KMT2C: variants seen among roughly 807,000 people sequenced by gnomAD.
The protein encoded by KMT2C is histone-lysine N-methyltransferase 2C.
KMT2C carries 88 observed loss-of-function variants against 507.9 expected under a neutral mutation model. That is an observed-to-expected ratio of 0.17 (90% CI 0.15 to 0.21). The LOEUF is 0.21. Ranked by LOEUF, KMT2C falls within the 10% of genes least tolerant of loss-of-function variation. The pLI is 1.00. For missense variants in KMT2C, 4,954 were observed against 5,957.8 expected (o/e 0.83, Z 5.55); for synonymous variants, 2,049 against 2,080.8 (o/e 0.98, Z 0.42).
chr7:152,247,751 AATAATGGCTGAAACAC>A (rs2129163567), intron 14 of KMT2C, 135 bp downstream of exon 14: 1 of 646,334 alleles, frequency 1.5e-6, no homozygotes, highest in South Asian at 2.3e-5. Flanking sequence ...GCATTTAAAA[AATAATGGCTGAAACAC>A]ATAATCAACA....
In KMT2C at chr7:152,171,255, C is replaced by A. The variant is rs2092951511; in HGVS notation, c.9453+9G>T. On this transcript the variant is annotated intron_variant, in intron 40 of 58. Transcript: ENST00000262189. ...GCATTCTAGAGGGACTCATTACAGG[C>A]AGTGTTACCTGAGGAATGGCCTGTG... 1 of 1,589,284 alleles carries A rather than the reference C, an allele frequency of 6.3e-7. No homozygotes were observed. Among genetic ancestry groups the A allele is most frequent in the Non-Finnish European group, 8.6e-7 (1 of 1,164,456 alleles).
At chr7:152,420,395 A>T (rs2097770364) in intron 1 of KMT2C, among the ~76,000 whole-genome samples, 1 of 152,220 alleles carries the variant, frequency 6.6e-6, no homozygotes, top group African/African-American at 2.4e-5. Context: ...TACACATTAA[A>T]GGAGTTTAGT....
intron 23 of KMT2C, among the ~76,000 whole-genome samples, chr7:152,207,662 C>CA (rs774542546): frequency 1.3e-5 from 2 of 152,078 alleles, no homozygotes; most frequent in South Asian, 2.1e-4. Context: ...ACACAGAACT[C>CA]AGAGTTCTGT....
chr7:152,410,005 G>C (rs2116659425), intron 1 of KMT2C, among the ~76,000 whole-genome samples: 1 of 152,330 alleles, frequency 6.6e-6, no homozygotes, highest in Middle Eastern at 3.4e-3. Flanking sequence ...AAAGGGGGAG[G>C]GGATATTATT....
intron 31 of KMT2C, among the ~76,000 whole-genome samples, chr7:152,189,936 G>A (rs919476740): frequency 1.1e-4 from 16 of 152,320 alleles, no homozygotes; most frequent in Admixed American, 5.2e-4. Flanking sequence ...TTAGGAACCC[G>A]GCCGCACAGT....
In KMT2C at chr7:152,176,615, G is replaced by C. The variant is rs2129113341; in HGVS notation, c.8838C>G (p.Ser2946=). 1 of 1,614,186 alleles carries C rather than the reference G, an allele frequency of 6.2e-7. No individual in the cohort carries two copies. The highest frequency in any genetic ancestry group is 8.5e-7 in the Non-Finnish European group (1 of 1,180,028). ...GCAAACTTGACACATGATTGGATGGGGAGGCCGGCAGAGTTGGTGGTGGTG... is the reference window on the plus strand; with the variant it reads ...GCAAACTTGACACATGATTGGATGGCGAGGCCGGCAGAGTTGGTGGTGGTG... ...GSPPPPTLPA[S]PSNHVSSLPP... The change falls in exon 38 of 59, where the codon TCC becomes TCG. Residue 2946 remains serine, a synonymous_variant. Coordinates refer to ENST00000262189, the MANE Select transcript of KMT2C (RefSeq NM_170606.3).
At chr7:152,145,067 T>C in intron 54 of KMT2C, 86 bp downstream of exon 54, 4 of 1,515,494 alleles carry the variant, frequency 2.6e-6, no homozygotes, top group Non-Finnish European at 3.6e-6. Context: ...CAGCAGGGTT[T>C]GTAAGCAGCA....
At chr7:152,411,320 A>G (rs1400628150) in intron 1 of KMT2C, among the ~76,000 whole-genome samples, 1 of 152,022 alleles carries the variant, frequency 6.6e-6, no homozygotes, top group Non-Finnish European at 1.5e-5. Flanking sequence ...TCCTGCAACA[A>G]TGTTTTCAGT....
intron 7 of KMT2C, among the ~76,000 whole-genome samples, chr7:152,271,988 T>C (rs116421152): frequency 8.1e-4 from 124 of 152,218 alleles, no homozygotes; most frequent in African/African-American, 2.8e-3. Context: ...TCTGGAGTTA[T>C]ATATTTTTGG....
chr7:152,426,643 T>C (rs1462813154), intron 1 of KMT2C, among the ~76,000 whole-genome samples: 1 of 152,198 alleles, frequency 6.6e-6, no homozygotes, highest in Non-Finnish European at 1.5e-5. Flanking sequence ...GCAATGACAG[T>C]AACAACAGTA....
intron 1 of KMT2C, among the ~76,000 whole-genome samples, chr7:152,426,625 G>T (rs1326702583): frequency 6.6e-6 from 1 of 152,170 alleles, no homozygotes; most frequent in East Asian, 1.9e-4. Flanking sequence ...GATAATTGAT[G>T]ATTAGTGGCA....
chr7:152,306,279 T>C (rs923223979), intron 6 of KMT2C, among the ~76,000 whole-genome samples: 1 of 152,214 alleles, frequency 6.6e-6, no homozygotes, highest in Non-Finnish European at 1.5e-5. Flanking sequence ...CACATCCTGG[T>C]TGGTGGCAAT....
chr7:152,278,027 T>C (rs1470840934), intron 6 of KMT2C, among the ~76,000 whole-genome samples: 2 of 152,192 alleles, frequency 1.3e-5, no homozygotes, highest in Admixed American at 6.5e-5. Flanking sequence ...CTTTGGATAT[T>C]TGTCCCCGCC....
chr7:152,168,350 C>T (rs1168442011), intron 41 of KMT2C, among the ~76,000 whole-genome samples: 1 of 152,128 alleles, frequency 6.6e-6, no homozygotes, highest in African/African-American at 2.4e-5. Flanking sequence ...TGGTATAGTT[C>T]TTTACTTGTT....
intron 1 of KMT2C, among the ~76,000 whole-genome samples, chr7:152,430,195 A>C (rs1022306268): frequency 4.6e-5 from 7 of 152,054 alleles, no homozygotes; most frequent in African/African-American, 1.7e-4. Flanking sequence ...AAAAAAAAAA[A>C]AAAACAGAAA....
intron 23 of KMT2C, among the ~76,000 whole-genome samples, chr7:152,211,235 A>G (rs748262014): frequency 3.3e-5 from 5 of 152,246 alleles, no homozygotes; most frequent in African/African-American, 4.8e-5. Context: ...AAAATTGATA[A>G]ATGAAAATGT....
chr7:152,268,797 T>G (rs2095905875), intron 7 of KMT2C, among the ~76,000 whole-genome samples: 1 of 152,184 alleles, frequency 6.6e-6, no homozygotes. Flanking sequence ...AACACTAAAA[T>G]GCTTCTGTGA....
intron 3 of KMT2C, among the ~76,000 whole-genome samples, chr7:152,328,318 G>A (rs993047976): frequency 2.0e-5 from 3 of 152,296 alleles, no homozygotes; most frequent in Admixed American, 6.5e-5. Flanking sequence ...TTCCTAAGCT[G>A]ACTGAGACTA....
At position 152,284,227 on chromosome 7, in the gene KMT2C, A is replaced by C. The variant is rs935671251; in HGVS notation, c.850-10360T>G. Among the ~76,000 whole-genome samples, 3 of 152,122 alleles carry C rather than the reference A, an allele frequency of 2.0e-5. No individual in the cohort carries two copies. In the South Asian group the frequency reaches 6.2e-4, roughly 31 times the overall value. On this transcript the variant is annotated intron_variant, in intron 6 of 58. Coordinates refer to ENST00000262189, the MANE Select transcript of KMT2C (RefSeq NM_170606.3). ...ATATCAACTCATGATTTTGAAAAAAAATCTTTATGTTTGGTTTTGGTAAAA... is the reference window on the plus strand; with the variant it reads ...ATATCAACTCATGATTTTGAAAAAACATCTTTATGTTTGGTTTTGGTAAAA...
Sources: allele counts gnomAD v4.1 joint callset (sites outside exome capture counted in the v4.1 genomes callset), GRCh38; gene constraint gnomAD v4.1.1; transcripts MANE v1.5; gene names NCBI Gene and HGNC (gene_info 2026-07-23, HGNC 2026-07-21).